The following ADGRD1 variants were observed in gnomAD, a reference collection of about 807,000 sequenced individuals.
ADGRD1 encodes the protein G-protein coupled receptor 133.
ADGRD1 carries 77 observed loss-of-function variants against 113.4 expected under a neutral mutation model. The ratio of observed to expected loss-of-function variants is 0.68; its 90% CI spans 0.57 to 0.82. The LOEUF is 0.82. Ranked by LOEUF, ADGRD1 falls within the 40% of genes least tolerant of loss-of-function variation. The pLI is 0.00. For missense variants in ADGRD1, 1,036 were observed against 1,139.1 expected, an observed-to-expected ratio of 0.91 and a Z score of 1.30; for synonymous variants, 474 against 475.0, an observed-to-expected ratio of 1.00 and a Z score of 0.03.
At chr12:131,031,850 T>C (rs1461510267) in intron 13 of ADGRD1, among the ~76,000 whole-genome samples, 4 of 152,220 alleles carry the variant, frequency 2.6e-5, no homozygotes, top group Admixed American at 6.5e-5. Context: ...TCGGAAACCC[T>C]GAGAGGTGTC....
intron 13 of ADGRD1, among the ~76,000 whole-genome samples, chr12:131,074,272 T>C (rs780867947): frequency 6.6e-6 from 1 of 152,212 alleles, no homozygotes; most frequent in East Asian, 1.9e-4. Flanking sequence ...CCATTAGACA[T>C]ACCCAAGTGA....
intron 20 of ADGRD1, among the ~76,000 whole-genome samples, chr12:131,129,273 G>A (rs1950840720): frequency 7.2e-6 from 1 of 139,376 alleles, no homozygotes; most frequent in Admixed American, 7.1e-5. Context: ...TGACAGGCCG[G>A]CCCTCCTGTC....
intron 21 of ADGRD1, among the ~76,000 whole-genome samples, chr12:131,133,131 C>T (rs1394058053): frequency 3.3e-5 from 5 of 152,074 alleles, no homozygotes; most frequent in African/African-American, 1.2e-4. Context: ...TCTCCTGGAC[C>T]TCTCATGGCC....
At chr12:131,006,683 G>A (rs1024116734) in intron 12 of ADGRD1, among the ~76,000 whole-genome samples, 8 of 151,120 alleles carry the variant, frequency 5.3e-5, no homozygotes, top group African/African-American at 1.9e-4. Flanking sequence ...GGGGGGCGGC[G>A]AGGCTGGGGA....
chr12:131,077,926 T>A (rs1275686537), intron 14 of ADGRD1, among the ~76,000 whole-genome samples: 1 of 152,194 alleles, frequency 6.6e-6, no homozygotes. Flanking sequence ...GATTATTATA[T>A]GAACTGTCCC....
intron 13 of ADGRD1, among the ~76,000 whole-genome samples, chr12:131,016,647 C>T (rs1878606765): frequency 6.6e-6 from 1 of 152,226 alleles, no homozygotes; most frequent in Admixed American, 6.5e-5. Context: ...AATCCCAGCA[C>T]TTCGGGAGGC....
chr12:131,052,775 G>A (rs1281641233), intron 13 of ADGRD1, among the ~76,000 whole-genome samples: 1 of 152,198 alleles, frequency 6.6e-6, no homozygotes, highest in Non-Finnish European at 1.5e-5. Context: ...TCATGGCATT[G>A]ACTCCAAGAG....
chr12:131,019,962 C>T (rs537545705), intron 13 of ADGRD1, among the ~76,000 whole-genome samples: 3 of 50,610 alleles, frequency 5.9e-5, no homozygotes, highest in African/African-American at 1.7e-4. Context: ...CCCCGAGCTC[C>T]GTCCAGGGCA....
chr12:130,997,028 T>C (rs1875554608), intron 8 of ADGRD1, among the ~76,000 whole-genome samples: 1 of 121,544 alleles, frequency 8.2e-6, no homozygotes, highest in African/African-American at 3.2e-5. Flanking sequence ...CCCACCTCCC[T>C]CCCGGACGGG....
chr12:130,984,455 T>G lies in ADGRD1; in HGVS notation c.490+2392T>G, dbSNP rs866046669. Among the ~76,000 whole-genome samples the G allele has an allele frequency of 1.3e-5, 2 of 152,188 alleles. No individual in the cohort carries two copies. Among genetic ancestry groups the G allele is most frequent in the Non-Finnish European group, 2.9e-5 (2 of 68,038 alleles). ...GGGCGCCATGGAGTGCCTGTATTGCTGTTAGATTTTAATAGATTTTATTTT... is the reference window on the plus strand; with the variant it reads ...GGGCGCCATGGAGTGCCTGTATTGCGGTTAGATTTTAATAGATTTTATTTT... On this transcript the variant is annotated intron_variant, in intron 5 of 24. Transcript: ENST00000261654. This position sits in a 1 kb window ranked among gnomAD's most constrained non-coding sequence, Gnocchi z 4.1.
chr12:131,042,816 A>G (rs1174067419), intron 13 of ADGRD1, among the ~76,000 whole-genome samples: 1 of 152,272 alleles, frequency 6.6e-6, no homozygotes, highest in African/African-American at 2.4e-5. Flanking sequence ...TGATGGCTTT[A>G]GGCCAGCAGA....
chr12:131,091,058 C>T (rs1407314896), intron 15 of ADGRD1, among the ~76,000 whole-genome samples: 1 of 152,136 alleles, frequency 6.6e-6, no homozygotes, highest in East Asian at 1.9e-4. Context: ...TCCAGACCCA[C>T]CCTTCACCAC....
rs1253714054 is a variant in ADGRD1 at position 131,140,701 on chromosome 12, G to A, written c.*1438G>A. 6.6e-6 allele frequency: 1 copy of A among 152,248 alleles called. No individual in the cohort carries two copies. The highest frequency in any genetic ancestry group is 1.5e-5 in the Non-Finnish European group (1 of 68,064). The allele number at this position is 152,248 out of a possible 1,614,324, so 9.4% of individuals were successfully genotyped here. On this transcript the variant is annotated 3_prime_UTR_variant, in exon 25 of 25. Transcript: ENST00000261654. ...TGGCCCTTTTGCAGCCCACCTGGTG[G>A]CTTCTTAATGTAACTCTTCCCCTGG...
chr12:131,133,967 C>T (rs1303575074), intron 21 of ADGRD1, among the ~76,000 whole-genome samples: 1 of 152,226 alleles, frequency 6.6e-6, no homozygotes, highest in Non-Finnish European at 1.5e-5. Flanking sequence ...TTGGCTTTCA[C>T]TTCCCTGCCA....
intron 2 of ADGRD1, chr12:130,963,084 G>T (rs1414712949): frequency 1.3e-5 from 2 of 152,194 alleles, no homozygotes; most frequent in Non-Finnish European, 2.9e-5. Flanking sequence ...ACTTTGGGAG[G>T]CCGAGGCGGG....
At chr12:131,093,299 C>T (rs1419239150) in intron 15 of ADGRD1, among the ~76,000 whole-genome samples, 4 of 152,140 alleles carry the variant, frequency 2.6e-5, no homozygotes, top group African/African-American at 9.7e-5. Context: ...CAGAGGAGTC[C>T]GTGTCCTGAA....
chr12:131,135,078 C>G (rs1238910482), intron 21 of ADGRD1, among the ~76,000 whole-genome samples: 1 of 152,238 alleles, frequency 6.6e-6, no homozygotes, highest in East Asian at 1.9e-4. Flanking sequence ...CCAGCTGTTT[C>G]AGAAGTCAGG....
rs766583496 is a variant in ADGRD1 at position 130,966,791 on chromosome 12, G to GTT, written c.187+245_187+246insTT. 4.3e-4 allele frequency: 163 copies of GTT among 380,714 alleles called. No homozygotes were observed. The highest frequency in any genetic ancestry group is 6.6e-4 in the Non-Finnish European group (136 of 207,182). The allele number at this position is 380,714 out of a possible 1,614,324, so 23.6% of individuals were successfully genotyped here. On this transcript the variant is annotated intron_variant, in intron 3 of 24. Transcript: ENST00000261654. This position sits in a 1 kb window ranked among gnomAD's most constrained non-coding sequence, Gnocchi z 4.6. The stretch of plus-strand genomic sequence containing the variant: ...AACTTCCCGTAATAGTTATTTCAAA[G>GTT]CTTTTTTTTTTGTAGAGATGGGGTC...
chr12:130,972,475 G>A (rs1871789519), intron 4 of ADGRD1, among the ~76,000 whole-genome samples: 1 of 152,146 alleles, frequency 6.6e-6, no homozygotes, highest in Admixed American at 6.5e-5. Context: ...ACATGTGGGA[G>A]GACACATCTT....
Sources: allele counts gnomAD v4.1 joint callset (sites outside exome capture counted in the v4.1 genomes callset), GRCh38; gene constraint gnomAD v4.1.1; non-coding constraint Gnocchi (gnomAD v3.1); transcripts MANE v1.5; gene names NCBI Gene and HGNC (gene_info 2026-07-23, HGNC 2026-07-21).